Variants in CNOT1 observed in about 807,000 individuals in gnomAD.
CNOT1 encodes the protein CCR4-associated factor 1.
A neutral mutation model predicts 273.8 loss-of-function variants in CNOT1; 15 were observed. The ratio of observed to expected loss-of-function variants is 0.05; its 90% CI spans 0.04 to 0.08. The LOEUF (loss-of-function observed/expected upper bound fraction) is 0.08. CNOT1 is among the 10% of genes least tolerant of loss of function. The probability of loss-of-function intolerance (pLI) is 1.00; values close to 1 mark genes in which losing one functional copy is unlikely to be tolerated. For synonymous variants in CNOT1, 1,022 were observed against 1,005.5 expected (o/e 1.02, Z -0.31); for missense variants, 1,644 against 2,912.2 (o/e 0.56, Z 10.02).
chr16:58,545,562 T>C, intron 29 of CNOT1, 71 bp from the exon 30 acceptor site: 1 of 1,592,984 alleles, frequency 6.3e-7, no homozygotes, highest in East Asian at 2.3e-5. Context: ...TAGCTTAATA[T>C]CATTAAGTGG....
intron 1 of CNOT1, among the ~76,000 whole-genome samples, chr16:58,605,955 C>A (rs756593897): frequency 2.0e-5 from 3 of 152,102 alleles, no homozygotes; most frequent in Non-Finnish European, 2.9e-5. Flanking sequence ...GGTACCCAGC[C>A]AAATTACCTT....
At chr16:58,589,575 A>C (rs958027058) in intron 2 of CNOT1, among the ~76,000 whole-genome samples, 2 of 152,310 alleles carry the variant, frequency 1.3e-5, no homozygotes, top group Admixed American at 1.3e-4. Flanking sequence ...GAAAAACTAC[A>C]GTAATTTTAC....
intron 1 of CNOT1, among the ~76,000 whole-genome samples, chr16:58,626,797 G>A (rs909353054): frequency 1.3e-5 from 2 of 151,620 alleles, no homozygotes; most frequent in Non-Finnish European, 2.9e-5. Flanking sequence ...TGTTAATGTG[G>A]GACAAAATAC....
Position 58,549,826 on chromosome 16 carries a change from C to T in CNOT1, c.3415G>A (p.Val1139Ile). The T allele has an allele frequency of 6.2e-7, 1 of 1,613,964 alleles. No homozygotes were observed. Among genetic ancestry groups the T allele is most frequent in the Non-Finnish European group, 8.5e-7 (1 of 1,179,980 alleles). Reference sequence around the variant, plus strand: ...CTATGAAAGTTTGGCTCAATACTGACTCTCTTCATAACCAGATACTGTGAA... The same window carrying T: ...CTATGAAAGTTTGGCTCAATACTGATTCTCTTCATAACCAGATACTGTGAA... ...WVSQYLVMKR[V>I]SIEPNFHSLY... is the part of the protein sequence containing the mutation. Residue 1139 changes from valine to isoleucine, a missense_variant, in exon 25 of 49, where the codon GTC (valine) becomes ATC (isoleucine). Physicochemically the swap from Val to Ile is conservative, Grantham distance 29 (BLOSUM62 3). Coordinates refer to ENST00000317147, the MANE Select transcript of CNOT1 (RefSeq NM_016284.5).
intron 2 of CNOT1, among the ~76,000 whole-genome samples, chr16:58,593,501 G>C (rs1316318336): frequency 6.6e-6 from 1 of 151,804 alleles, no homozygotes; most frequent in Non-Finnish European, 1.5e-5. Flanking sequence ...GGAGGTTGCA[G>C]CGAGCGGAGA....
In CNOT1 at chr16:58,583,964, C is replaced by A. The variant is rs556720492; in HGVS notation, c.807-782G>T. 2.6e-5 allele frequency among the ~76,000 whole-genome samples: 4 copies of A among 151,588 alleles called. No homozygotes were observed. In the South Asian group the frequency reaches 8.3e-4, roughly 31 times the overall value. ...CGGGTGGATCACGAGGTCAGGAGAT[C>A]AAGACCATCCTGGCTAACACAGTGA... is the stretch of plus-strand genomic sequence containing the variant. On this transcript the variant is annotated intron_variant, in intron 8 of 48. Transcript: ENST00000317147.
intron 12 of CNOT1, among the ~76,000 whole-genome samples, chr16:58,579,225 C>T (rs961799859): frequency 1.3e-5 from 2 of 152,104 alleles, no homozygotes; most frequent in African/African-American, 4.8e-5. Flanking sequence ...AAGAAAATAA[C>T]ATGGGGTAGA....
intron 43 of CNOT1, among the ~76,000 whole-genome samples, chr16:58,528,910 T>C (rs2039684403): frequency 7.0e-6 from 1 of 143,764 alleles, no homozygotes; most frequent in Non-Finnish European, 1.5e-5. Flanking sequence ...AAAATAAAAA[T>C]ACAATGATGT....
At chr16:58,607,721 C>CAAAAAAA (rs71385179) in intron 1 of CNOT1, among the ~76,000 whole-genome samples, 24 of 67,130 alleles carry the variant, frequency 3.6e-4, no homozygotes, top group African/African-American at 6.9e-4. Flanking sequence ...CAGCAAAACT[C>CAAAAAAA]AAAAAAAAAA....
Position 58,530,363 on chromosome 16 carries a change from G to A in CNOT1, c.6178-16C>T, listed in dbSNP as rs376589180. On this transcript the variant is annotated splice_polypyrimidine_tract_variant and intron_variant, in intron 42 of 48. Coordinates refer to ENST00000317147, the MANE Select transcript of CNOT1 (RefSeq NM_016284.5). ...TAGGCCACCCCTGAAAGAAAGAAATGTACATGAGTCATAATTATACTCAGC... is the reference window on the plus strand; with the variant it reads ...TAGGCCACCCCTGAAAGAAAGAAATATACATGAGTCATAATTATACTCAGC... The A allele has an allele frequency of 9.5e-5, 150 of 1,582,614 alleles. No individual in the cohort carries two copies. In the African/African-American group the frequency reaches 1.5e-3, roughly 16 times the overall value.
intron 34 of CNOT1, among the ~76,000 whole-genome samples, chr16:58,541,134 G>A (rs1437153642): frequency 1.3e-5 from 2 of 152,196 alleles, no homozygotes; most frequent in Non-Finnish European, 2.9e-5. Context: ...GAGTCTGGGA[G>A]GTGGAGGTTG....
At position 58,563,017 on chromosome 16, in the gene CNOT1, T is replaced by C. The variant is rs143438630; in HGVS notation, c.1980-2655A>G. ...ATAAGCCTATATTACATTAAATCAA[T>C]AGAGAAAAATCTATGAAAATTTGTA... On this transcript the variant is annotated intron_variant, in intron 16 of 48. Transcript: ENST00000317147. Among the ~76,000 whole-genome samples, 350 of 152,262 alleles carry C rather than the reference T, an allele frequency of 2.3e-3. 1 individual carries two copies. The highest frequency in any genetic ancestry group is 8.0e-3 in the African/African-American group (334 of 41,546).
intron 16 of CNOT1, among the ~76,000 whole-genome samples, chr16:58,564,359 CTG>C (rs56299884): frequency 0.34 from 51,437 of 151,544 alleles, 10,054 homozygotes; most frequent in Non-Finnish European, 0.45. Context: ...TAAAAAGAAA[CTG>C]TTCCAAAAAG....
chr16:58,587,325 T>C lies in CNOT1; in HGVS notation c.378+20A>G. 6.2e-7 allele frequency: 1 copy of C among 1,613,854 alleles called. No individual in the cohort carries two copies. Among genetic ancestry groups the C allele is most frequent in the Non-Finnish European group, 8.5e-7 (1 of 1,179,922 alleles). Reference sequence around the variant, plus strand: ...TTTTAATTCTAGTTTTGTCTACATCTCTTTTCATAAATCACTCACCTCTTG... The same window carrying C: ...TTTTAATTCTAGTTTTGTCTACATCCCTTTTCATAAATCACTCACCTCTTG... On this transcript the variant is annotated intron_variant, in intron 5 of 48. Coordinates refer to ENST00000317147, the MANE Select transcript of CNOT1 (RefSeq NM_016284.5).
chr16:58,600,401 T>C (rs556506580), intron 1 of CNOT1, among the ~76,000 whole-genome samples: 5 of 152,310 alleles, frequency 3.3e-5, no homozygotes, highest in African/African-American at 1.2e-4. Flanking sequence ...AGATTTCTAT[T>C]TTACCTATTT....
chr16:58,618,836 T>C lies in CNOT1; in HGVS notation c.-175+10892A>G, dbSNP rs370188926. Among the ~76,000 whole-genome samples, 277 of 152,278 alleles carry C rather than the reference T, an allele frequency of 1.8e-3. 2 individuals carry two copies. Among genetic ancestry groups the C allele is most frequent in the Middle Eastern group, 3.4e-3 (1 of 294 alleles). On this transcript the variant is annotated intron_variant, in intron 1 of 48. Transcript: ENST00000317147. ...CAATTTATTTCACTCAATGCTACAGTGCCTTCAATAACTTGTAACATTTAA... is the reference window on the plus strand; with the variant it reads ...CAATTTATTTCACTCAATGCTACAGCGCCTTCAATAACTTGTAACATTTAA...
intron 16 of CNOT1, among the ~76,000 whole-genome samples, chr16:58,563,899 TG>T (rs1254695800): frequency 1.3e-5 from 2 of 152,186 alleles, no homozygotes; most frequent in Non-Finnish European, 2.9e-5. Context: ...TTGGTAAAAA[TG>T]ATGGATGCAA....
At chr16:58,627,403 C>A (rs1457201944) in intron 1 of CNOT1, among the ~76,000 whole-genome samples, 142 of 65,078 alleles carry the variant, frequency 2.2e-3, no homozygotes, top group Admixed American at 5.5e-3. Flanking sequence ...GACTCCATCT[C>A]AAAAAAAAAA....
chr16:58,578,523 G>T (rs2041545890), intron 13 of CNOT1, among the ~76,000 whole-genome samples, 176 bp downstream of exon 13: 1 of 150,840 alleles, frequency 6.6e-6, no homozygotes, highest in Non-Finnish European at 1.5e-5. Flanking sequence ...TTGGGATCTT[G>T]TATTTTATTG....
Sources: allele counts gnomAD v4.1 joint callset (sites outside exome capture counted in the v4.1 genomes callset), GRCh38; gene constraint gnomAD v4.1.1; transcripts MANE v1.5; gene names NCBI Gene and HGNC (gene_info 2026-07-23, HGNC 2026-07-21).